The following TMPRSS5 variants were observed in gnomAD, a reference collection of about 807,000 sequenced individuals.
TMPRSS5 encodes the protein transmembrane protease serine 5.
A neutral mutation model predicts 59.7 loss-of-function variants in TMPRSS5; 45 were observed. That is an observed-to-expected ratio of 0.75 (90% confidence interval 0.59 to 0.97). The LOEUF is 0.97. Among genes scored for constraint, TMPRSS5 ranks in the 50% least tolerant of loss-of-function variants. The pLI, the probability that TMPRSS5 is intolerant of heterozygous loss-of-function variation, is 0.00. For synonymous variants in TMPRSS5, 225 were observed against 232.0 expected (o/e 0.97, Z 0.27); for missense variants, 585 against 596.7 (o/e 0.98, Z 0.20).
At chr11:113,690,169 G>GCC in intron 11 of TMPRSS5, 62 bp downstream of exon 11, 2 of 904,010 alleles carry the variant, frequency 2.2e-6, no homozygotes, top group East Asian at 2.7e-5. Context: ...GTCACAGCAG[G>GCC]CCCCCTGCCC....
Position 113,690,959 on chromosome 11 carries a change from C to T in TMPRSS5, c.965-20G>A, listed in dbSNP as rs761503305. The T allele has an allele frequency of 2.0e-5, 31 of 1,564,996 alleles. No individual in the cohort carries two copies. Among genetic ancestry groups the T allele is most frequent in the African/African-American group, 5.4e-5 (4 of 73,716 alleles). ...CAGTGTCTGTAGAGAGGCACATGGT[C>T]CTGGTCCCCAGTCAGGCTTGGCTTC... On this transcript the variant is annotated intron_variant, in intron 9 of 12. Transcript: ENST00000299882.
At chr11:113,703,641 C>T (rs2363549) in intron 1 of TMPRSS5, among the ~76,000 whole-genome samples, 10,244 of 152,260 alleles carry the variant, frequency 0.067, 379 homozygotes, top group Middle Eastern at 0.099. Flanking sequence ...GTAATTACCA[C>T]GCACTGGGGG....
chr11:113,688,090 G>T lies in TMPRSS5; in HGVS notation c.*170C>A. Reference sequence around the variant, plus strand: ...AATCAGGGCCCAAGAGGAGAGACCTGTTGGCTGGGTGGCTGGCCAGTGGGT... The same window carrying T: ...AATCAGGGCCCAAGAGGAGAGACCTTTTGGCTGGGTGGCTGGCCAGTGGGT... On this transcript the variant is annotated 3_prime_UTR_variant, in exon 13 of 13. Coordinates refer to ENST00000299882, the MANE Select transcript of TMPRSS5 (RefSeq NM_030770.4). 9.0e-7 allele frequency: 1 copy of T among 1,105,978 alleles called. No homozygotes were observed. Among genetic ancestry groups the T allele is most frequent in the Non-Finnish European group, 1.2e-6 (1 of 836,126 alleles). 68.5% of individuals were successfully genotyped at this position (1,105,978 alleles called of 1,614,324 possible).
rs140437853 is a variant in TMPRSS5 at position 113,699,976 on chromosome 11, G to A, written c.106+90C>T. 1.9e-6 allele frequency: 3 copies of A among 1,546,888 alleles called. No homozygotes were observed. The East Asian group carries it at 7.3e-5, about 38-fold the overall frequency. ...CAGCCTCTCACCATCAATCATGTGGGGCTGACCCCAAGGAGGATCCGGGGA... is the reference window on the plus strand; with the variant it reads ...CAGCCTCTCACCATCAATCATGTGGAGCTGACCCCAAGGAGGATCCGGGGA... On this transcript the variant is annotated intron_variant, in intron 2 of 12. Coordinates refer to ENST00000299882, the MANE Select transcript of TMPRSS5 (RefSeq NM_030770.4).
In TMPRSS5 at chr11:113,688,081, G is replaced by T. The variant is rs926220175; in HGVS notation, c.*179C>A. On this transcript the variant is annotated 3_prime_UTR_variant, in exon 13 of 13. Transcript: ENST00000299882. ...GGACTCTGAAATCAGGGCCCAAGAGGAGAGACCTGTTGGCTGGGTGGCTGG... is the reference window on the plus strand; with the variant it reads ...GGACTCTGAAATCAGGGCCCAAGAGTAGAGACCTGTTGGCTGGGTGGCTGG... The T allele has an allele frequency of 5.1e-6, 5 of 983,638 alleles. No individual in the cohort carries two copies. The African/African-American group carries it at 8.4e-5, about 17-fold the overall frequency. 60.9% of individuals were successfully genotyped at this position (983,638 alleles called of 1,614,324 possible). A position where few individuals can be genotyped will look rare whatever the true frequency, so the allele number is the denominator to read the frequency against.
At chr11:113,689,273 T>C (rs1016683334) in intron 12 of TMPRSS5, among the ~76,000 whole-genome samples, 1 of 152,102 alleles carries the variant, frequency 6.6e-6, no homozygotes, top group South Asian at 2.1e-4. Flanking sequence ...GGAAAATCGC[T>C]TGAACCCGGG....
chr11:113,690,027 T>A, intron 11 of TMPRSS5, 110 bp from the exon 12 acceptor site: 1 of 1,308,846 alleles, frequency 7.6e-7, no homozygotes. Flanking sequence ...CCCGCCTGCT[T>A]CTAGCTGAGA....
intron 7 of TMPRSS5, among the ~76,000 whole-genome samples, 193 bp downstream of exon 7, chr11:113,695,207 A>T (rs1469144417): frequency 6.6e-6 from 1 of 152,148 alleles, no homozygotes; most frequent in Admixed American, 6.5e-5. Flanking sequence ...GAGGGACATG[A>T]TGGAGGCTTA....
At chr11:113,704,684 C>T (rs977103858) in intron 1 of TMPRSS5, among the ~76,000 whole-genome samples, 4 of 152,118 alleles carry the variant, frequency 2.6e-5, no homozygotes, top group South Asian at 2.1e-4. Context: ...ACTGACCCTT[C>T]GAGACTCAGC....
At chr11:113,699,053 G>A in intron 3 of TMPRSS5, 26 bp from the exon 4 acceptor site, 1 of 1,606,230 alleles carries the variant, frequency 6.2e-7, no homozygotes, top group Non-Finnish European at 8.5e-7. Context: ...AAGAGAAAGG[G>A]TCTGATTTCC....
chr11:113,694,257 A>AC (rs1227893056), intron 8 of TMPRSS5: 2 of 413,372 alleles, frequency 4.8e-6, no homozygotes, highest in Non-Finnish European at 8.4e-6. Flanking sequence ...AAAAAAAAAA[A>AC]AAAAACTGAT....
chr11:113,700,274 T>C (rs1953094940), intron 1 of TMPRSS5, 106 bp from the exon 2 acceptor site: 1 of 1,019,986 alleles, frequency 9.8e-7, no homozygotes, highest in Non-Finnish European at 1.4e-6. Flanking sequence ...CATGATTCCA[T>C]TGCCACTTGT....
intron 12 of TMPRSS5, among the ~76,000 whole-genome samples, chr11:113,689,279 C>T (rs781415313): frequency 4.6e-5 from 7 of 152,040 alleles, no homozygotes; most frequent in Non-Finnish European, 7.4e-5. Context: ...TCGCTTGAAC[C>T]CGGGAGATAG....
intron 11 of TMPRSS5, 102 bp downstream of exon 11, chr11:113,690,129 T>C (rs1455654375): frequency 4.1e-6 from 6 of 1,448,006 alleles, no homozygotes; most frequent in African/African-American, 1.5e-5. Flanking sequence ...CTCACACCAC[T>C]GACAAGCTCA....
intron 11 of TMPRSS5, 56 bp downstream of exon 11, chr11:113,690,175 T>TCCCC: frequency 3.8e-5 from 6 of 159,586 alleles, no homozygotes; most frequent in South Asian, 8.9e-5. Flanking sequence ...GCAGGCCCCC[T>TCCCC]GCCCTCCCAC....
At chr11:113,688,679 T>A (rs978640979) in intron 12 of TMPRSS5, among the ~76,000 whole-genome samples, 5 of 152,170 alleles carry the variant, frequency 3.3e-5, no homozygotes, top group African/African-American at 1.2e-4. Context: ...TAAGCGATTC[T>A]CCTGCCTCAA....
chr11:113,690,505 G>C, intron 10 of TMPRSS5, 132 bp from the exon 11 acceptor site: 1 of 1,368,890 alleles, frequency 7.3e-7, no homozygotes, highest in Non-Finnish European at 9.7e-7. Flanking sequence ...GGGAGCTGTG[G>C]ACGCTGAGCA....
In TMPRSS5 at chr11:113,698,832, C is replaced by T. The variant is rs533104849; in HGVS notation, c.328+73G>A. 55 of 1,528,580 alleles carry T rather than the reference C, an allele frequency of 3.6e-5. No homozygotes were observed. The South Asian group carries it at 4.7e-4, about 13-fold the overall frequency. 94.7% of individuals were successfully genotyped at this position (1,528,580 alleles called of 1,614,324 possible). A position where few individuals can be genotyped will look rare whatever the true frequency, so the allele number is the denominator to read the frequency against. ...CAGTGAACAGATGGCCCTTCAGTGT[C>T]GGTTCTCTTGCCCTCAGCTGTGACA... On this transcript the variant is annotated intron_variant, in intron 4 of 12. Transcript: ENST00000299882.
chr11:113,693,389 G>C (rs1233109923), intron 8 of TMPRSS5, 140 bp from the exon 9 acceptor site: 3 of 885,934 alleles, frequency 3.4e-6, no homozygotes, highest in African/African-American at 3.4e-5. Context: ...AGGCCCCACA[G>C]ACTATGCCTC....
Sources: allele counts gnomAD v4.1 joint callset (sites outside exome capture counted in the v4.1 genomes callset), GRCh38; gene constraint gnomAD v4.1.1; transcripts MANE v1.5; gene names NCBI Gene and HGNC (gene_info 2026-07-23, HGNC 2026-07-21).